Variants in ZPBP observed in about 807,000 individuals in gnomAD.
ZPBP encodes the protein zona pellucida binding protein.
In ZPBP, 26 loss-of-function variants were observed where a neutral mutation model predicts 44.8. The observed-to-expected ratio is 0.58, with a 90% CI of 0.43 to 0.81. The LOEUF is 0.81. Ranked by LOEUF, ZPBP falls within the 30% of genes least tolerant of loss-of-function variation. The pLI is 0.00. For synonymous variants in ZPBP, 174 were observed against 153.2 expected (o/e 1.14, Z -1.00); for missense variants, 409 against 434.0 (o/e 0.94, Z 0.51).
intron 2 of ZPBP, among the ~76,000 whole-genome samples, chr7:49,898,188 G>T (rs1792492023): frequency 1.3e-5 from 2 of 151,762 alleles, no homozygotes; most frequent in Non-Finnish European, 2.9e-5. Context: ...GTATATATGT[G>T]TGTGTATATA....
chr7:50,070,536 C>G (rs892072502), intron 3 of ZPBP, among the ~76,000 whole-genome samples: 35 of 152,110 alleles, frequency 2.3e-4, no homozygotes, highest in Admixed American at 1.3e-4. Flanking sequence ...GTCCCACAGG[C>G]AAAGGAGACA....
At chr7:49,851,118 G>A (rs914136921) in intron 2 of ZPBP, among the ~76,000 whole-genome samples, 1 of 152,146 alleles carries the variant, frequency 6.6e-6, no homozygotes, top group Non-Finnish European at 1.5e-5. Context: ...GGCTCCTAGT[G>A]GCTGCCCGCC....
At chr7:49,875,284 C>T (rs981509360) in intron 2 of ZPBP, among the ~76,000 whole-genome samples, 4 of 136,630 alleles carry the variant, frequency 2.9e-5, no homozygotes, top group African/African-American at 1.1e-4. Flanking sequence ...GCAGGAGAAT[C>T]GCCTGAACCC....
intron 7 of ZPBP, among the ~76,000 whole-genome samples, chr7:49,974,333 T>C (rs956189881): frequency 2.0e-5 from 3 of 152,122 alleles, no homozygotes; most frequent in Non-Finnish European, 4.4e-5. Context: ...GTAGAGCTTC[T>C]GGGAGACATG....
intron 6 of ZPBP, among the ~76,000 whole-genome samples, chr7:49,990,645 T>C (rs557586925): frequency 6.6e-6 from 1 of 152,096 alleles, no homozygotes; most frequent in South Asian, 2.1e-4. Context: ...TTTACAATAA[T>C]TGGTTGATGG....
chr7:50,075,631 G>A (rs556711321), intron 3 of ZPBP, among the ~76,000 whole-genome samples: 51 of 152,024 alleles, frequency 3.4e-4, no homozygotes, highest in African/African-American at 1.1e-3. Context: ...GCAACTATAT[G>A]CCAATACATT....
intron 7 of ZPBP, among the ~76,000 whole-genome samples, chr7:49,981,394 ATT>A (rs1226509995): frequency 1.0e-4 from 2 of 20,082 alleles, no homozygotes; most frequent in African/African-American, 3.4e-4. Flanking sequence ...AATTATATAT[ATT>A]ATATATAAAA....
In ZPBP at chr7:50,093,167, G is replaced by T. The variant is rs1486789379; in HGVS notation, c.28C>A (p.Arg10=). MEAFALGPA[R]RGRRRTRAAG... The stretch of plus-strand genomic sequence containing the variant: ...GCCCGGGTCCGCCGCCTGCCCCGCC[G>T]CGCTGGGCCAAGGGCGAAGGCCTCC... Residue 10 remains arginine, a synonymous_variant, in exon 1 of 8, where the codon CGG becomes AGG. Transcript: ENST00000046087. 1 of 1,539,552 alleles carries T rather than the reference G, an allele frequency of 6.5e-7. No homozygotes were observed. The highest frequency in any genetic ancestry group is 2.0e-5 in the Admixed American group (1 of 50,248).
chr7:49,892,626 G>A (rs1406125492), intron 2 of ZPBP, among the ~76,000 whole-genome samples: 1 of 152,192 alleles, frequency 6.6e-6, no homozygotes, highest in Non-Finnish European at 1.5e-5. Context: ...GCATTTTTGT[G>A]TGTGCTCTCT....
chr7:49,897,293 C>T (rs1792437716), intron 2 of ZPBP, among the ~76,000 whole-genome samples: 1 of 152,176 alleles, frequency 6.6e-6, no homozygotes, highest in Admixed American at 6.5e-5. Flanking sequence ...AATTTCCCAA[C>T]TCATTCCATG....
chr7:50,072,883 C>CA (rs1801916219), intron 3 of ZPBP, among the ~76,000 whole-genome samples: 1 of 152,112 alleles, frequency 6.6e-6, no homozygotes, highest in African/African-American at 2.4e-5. Flanking sequence ...AAAACAGATA[C>CA]AACTTAGATC....
intron 7 of ZPBP, among the ~76,000 whole-genome samples, chr7:49,982,176 T>TGC (rs1199149155): frequency 7.7e-5 from 6 of 78,342 alleles, no homozygotes; most frequent in African/African-American, 3.2e-4. Flanking sequence ...ATTATATATA[T>TGC]ATAATTTATT....
chr7:50,089,059 A>T (rs1411498704), intron 2 of ZPBP, among the ~76,000 whole-genome samples: 1 of 152,118 alleles, frequency 6.6e-6, no homozygotes, highest in Non-Finnish European at 1.5e-5. Flanking sequence ...GACAGAAAGT[A>T]GATAAGTAGT....
intron 6 of ZPBP, among the ~76,000 whole-genome samples, chr7:49,985,206 T>C (rs1486174855): frequency 6.6e-6 from 1 of 152,236 alleles, no homozygotes; most frequent in Non-Finnish European, 1.5e-5. Context: ...ATACTTTGTT[T>C]TTATTACTCT....
intron 6 of ZPBP, among the ~76,000 whole-genome samples, chr7:50,003,808 T>C (rs2128796251): frequency 6.6e-6 from 1 of 152,030 alleles, no homozygotes; most frequent in Middle Eastern, 3.4e-3. Context: ...TTACAAAGTA[T>C]ATAAAGAAAC....
Position 50,031,325 on chromosome 7 carries a change from C to A in ZPBP, c.488-15G>T, listed in dbSNP as rs1351691. ...CTCACGATAAGCTGTAAAAAATTAA[C>A]AAGAGAAAGACACAAAAATGGTTAT... On this transcript the variant is annotated splice_polypyrimidine_tract_variant and intron_variant, in intron 4 of 7. Coordinates refer to ENST00000046087, the MANE Select transcript of ZPBP (RefSeq NM_007009.3). 1.3e-6 allele frequency: 2 copies of A among 1,596,934 alleles called. No homozygotes were observed. The highest frequency in any genetic ancestry group is 8.5e-7 in the Non-Finnish European group (1 of 1,171,470).
intron 6 of ZPBP, among the ~76,000 whole-genome samples, chr7:49,990,826 A>G (rs1797538207): frequency 6.6e-6 from 1 of 152,182 alleles, no homozygotes; most frequent in South Asian, 2.1e-4. Context: ...TATATGTTCT[A>G]GATTGGTCTA....
intron 6 of ZPBP, among the ~76,000 whole-genome samples, chr7:50,008,400 A>T (rs761282058): frequency 1.3e-5 from 2 of 152,130 alleles, no homozygotes; most frequent in African/African-American, 4.8e-5. Context: ...AGGAAAAGAC[A>T]TCACATTTTC....
chr7:49,892,031 A>ATTTTTTTTTT (rs536880676), intron 2 of ZPBP, among the ~76,000 whole-genome samples: 2 of 53,204 alleles, frequency 3.8e-5, no homozygotes, highest in Admixed American at 3.3e-4. Flanking sequence ...GACAAAGTAG[A>ATTTTTTTTTT]TTTTTTTTTT....
Sources: allele counts gnomAD v4.1 joint callset (sites outside exome capture counted in the v4.1 genomes callset), GRCh38; gene constraint gnomAD v4.1.1; transcripts MANE v1.5; gene names NCBI Gene and HGNC (gene_info 2026-07-23, HGNC 2026-07-21).